TRABD2B: variants seen among roughly 807,000 people sequenced by gnomAD.
TRABD2B encodes TraB domain containing 2B, also known as metalloprotease TIKI2.
Under a neutral mutation model 40.1 loss-of-function variants are expected in TRABD2B, and 14 were observed. The observed-to-expected ratio is 0.35, with a 90% confidence interval of 0.23 to 0.55. The LOEUF (loss-of-function observed/expected upper bound fraction) is 0.55, where lower values mean the gene tolerates loss of function less well. Among genes scored for constraint, TRABD2B ranks in the 20% least tolerant of loss-of-function variants. The probability of loss-of-function intolerance (pLI) is 0.90; values close to 1 mark genes in which losing one functional copy is unlikely to be tolerated. For missense variants in TRABD2B, 541 were observed against 648.6 expected (o/e 0.83, Z 1.80); for synonymous variants, 263 against 277.0 (o/e 0.95, Z 0.50).
chr1:47,861,285 G>A (rs1436248426), intron 2 of TRABD2B, among the ~76,000 whole-genome samples: 1 of 152,178 alleles, frequency 6.6e-6, no homozygotes, highest in South Asian at 2.1e-4. Flanking sequence ...GGTGGTGGTG[G>A]GGGTGGCGGG....
chr1:47,989,503 A>T (rs867170551), intron 2 of TRABD2B, among the ~76,000 whole-genome samples: 4 of 152,114 alleles, frequency 2.6e-5, no homozygotes, highest in African/African-American at 9.7e-5. Context: ...AACCAAGGAG[A>T]TCTTTATTCA....
At chr1:47,886,064 G>A (rs1017253343) in intron 2 of TRABD2B, among the ~76,000 whole-genome samples, 4 of 152,180 alleles carry the variant, frequency 2.6e-5, no homozygotes, top group African/African-American at 9.7e-5. Context: ...AAACTGCGAA[G>A]TTCACTGAGA....
intron 2 of TRABD2B, among the ~76,000 whole-genome samples, chr1:47,874,532 A>C (rs1428425004): frequency 8.8e-5 from 13 of 147,772 alleles, no homozygotes; most frequent in Non-Finnish European, 1.8e-4. Flanking sequence ...TCGGCCTCCC[A>C]AAGTGCTGGG....
chr1:47,967,562 T>C (rs1339943514), intron 2 of TRABD2B, among the ~76,000 whole-genome samples: 1 of 152,218 alleles, frequency 6.6e-6, no homozygotes, highest in Non-Finnish European at 1.5e-5. Flanking sequence ...TCTGGCTTTC[T>C]AGCTCACAAA....
At chr1:47,905,187 T>G (rs955559864) in intron 2 of TRABD2B, among the ~76,000 whole-genome samples, 1 of 152,192 alleles carries the variant, frequency 6.6e-6, no homozygotes, top group African/African-American at 2.4e-5. Flanking sequence ...AGGTAACACA[T>G]GTATAAGCAT....
intron 4 of TRABD2B, among the ~76,000 whole-genome samples, chr1:47,792,199 G>C (rs954760439): frequency 2.0e-5 from 3 of 152,222 alleles, no homozygotes; most frequent in African/African-American, 7.2e-5. Context: ...TGACTTTACT[G>C]CTGGCCTATC....
intron 2 of TRABD2B, among the ~76,000 whole-genome samples, chr1:47,961,193 C>T (rs1645509161): frequency 6.6e-6 from 1 of 152,172 alleles, no homozygotes; most frequent in Non-Finnish European, 1.5e-5. Context: ...CTTCCTTACA[C>T]CTTATACAAA....
chr1:47,801,456 T>C lies in TRABD2B; in HGVS notation c.813+17A>G. On this transcript the variant is annotated intron_variant, in intron 3 of 6. Coordinates refer to ENST00000606738, the MANE Select transcript of TRABD2B (RefSeq NM_001194986.2). ...TAATAAATGCCAGGTATCCAGGTCT[T>C]TGGAGAGGAGCCTCACCTGGGATGT... 1.3e-6 allele frequency: 2 copies of C among 1,535,124 alleles called. No homozygotes were observed. The highest frequency in any genetic ancestry group is 1.7e-6 in the Non-Finnish European group (2 of 1,146,156).
At chr1:47,954,385 A>G (rs1645388708) in intron 2 of TRABD2B, among the ~76,000 whole-genome samples, 1 of 152,190 alleles carries the variant, frequency 6.6e-6, no homozygotes, top group African/African-American at 2.4e-5. Flanking sequence ...TCACTACAGT[A>G]TCAAGTACTA....
intron 2 of TRABD2B, among the ~76,000 whole-genome samples, chr1:47,886,095 C>A (rs72898112): frequency 6.6e-6 from 1 of 152,122 alleles, no homozygotes; most frequent in Non-Finnish European, 1.5e-5. Context: ...TTCCTTCATG[C>A]CAAGGATTCA....
At chr1:47,920,612 C>T (rs1030377635) in intron 2 of TRABD2B, among the ~76,000 whole-genome samples, 1 of 152,230 alleles carries the variant, frequency 6.6e-6, no homozygotes, top group Admixed American at 6.5e-5. Flanking sequence ...GAGCTGGAAG[C>T]AGCCAAGATG....
At chr1:47,924,145 T>C (rs949510568) in intron 2 of TRABD2B, among the ~76,000 whole-genome samples, 4 of 152,128 alleles carry the variant, frequency 2.6e-5, no homozygotes, top group African/African-American at 9.7e-5. Context: ...ACGGAATACG[T>C]GGGTGGCCTC....
chr1:47,765,885 A>G lies in TRABD2B; in HGVS notation c.*17T>C. 1.4e-6 allele frequency: 1 copy of G among 702,878 alleles called. No homozygotes were observed. Among genetic ancestry groups the G allele is most frequent in the Middle Eastern group, 2.3e-4 (1 of 4,370 alleles). The allele number at this position is 702,878 out of a possible 1,614,324, so 43.5% of individuals were successfully genotyped here. On this transcript the variant is annotated 3_prime_UTR_variant, in exon 7 of 7. Coordinates refer to ENST00000606738, the MANE Select transcript of TRABD2B (RefSeq NM_001194986.2). Reference sequence around the variant, plus strand: ...CCTGTGTCATTTCTCTGGCTTCTCCACTTGGGGTGGCCGAGGTCAGGAGGG... The same window carrying G: ...CCTGTGTCATTTCTCTGGCTTCTCCGCTTGGGGTGGCCGAGGTCAGGAGGG...
intron 4 of TRABD2B, among the ~76,000 whole-genome samples, chr1:47,785,680 T>A (rs923947973): frequency 1.3e-5 from 2 of 152,204 alleles, no homozygotes; most frequent in Non-Finnish European, 2.9e-5. Context: ...GCAATGGCCA[T>A]GCAGGCTGAT....
intron 6 of TRABD2B, among the ~76,000 whole-genome samples, chr1:47,769,219 T>G (rs905028636): frequency 3.3e-5 from 5 of 151,818 alleles, no homozygotes; most frequent in Non-Finnish European, 7.4e-5. Flanking sequence ...ACACAAGAAG[T>G]CCATAAAAAC....
At chr1:47,904,977 C>T (rs1160431961) in intron 2 of TRABD2B, among the ~76,000 whole-genome samples, 3 of 152,144 alleles carry the variant, frequency 2.0e-5, no homozygotes, top group African/African-American at 7.2e-5. Context: ...CTACAGAAAC[C>T]AGCTGACATG....
At position 47,765,647 on chromosome 1, in the gene TRABD2B, G is replaced by T. The variant is rs2124405442; in HGVS notation, c.*255C>A. The T allele has an allele frequency of 1.7e-6, 1 of 574,862 alleles. No homozygotes were observed. Among genetic ancestry groups the T allele is most frequent in the African/African-American group, 1.9e-5 (1 of 53,448 alleles). 35.6% of individuals were successfully genotyped at this position (574,862 alleles called of 1,614,324 possible). On this transcript the variant is annotated 3_prime_UTR_variant, in exon 7 of 7. Transcript: ENST00000606738. Reference sequence around the variant, plus strand: ...CCACATAAGAATAGTTTTATCGGTAGAATAAATACATTTTTCTTTTTTAAT... The same window carrying T: ...CCACATAAGAATAGTTTTATCGGTATAATAAATACATTTTTCTTTTTTAAT...
At chr1:47,812,310 G>T (rs1427946051) in intron 2 of TRABD2B, among the ~76,000 whole-genome samples, 1 of 152,194 alleles carries the variant, frequency 6.6e-6, no homozygotes, top group African/African-American at 2.4e-5. Flanking sequence ...ATTATAATGT[G>T]GTAAGTTAAT....
chr1:47,987,002 G>T (rs539021197), intron 2 of TRABD2B, among the ~76,000 whole-genome samples: 1 of 152,166 alleles, frequency 6.6e-6, no homozygotes, highest in Non-Finnish European at 1.5e-5. Context: ...TCAGCAGCCC[G>T]GCTGGCAGGC....
Sources: gnomAD v4.1 joint callset for allele counts (sites outside exome capture counted in the v4.1 genomes callset) on GRCh38, gnomAD v4.1.1 for gene constraint, MANE v1.5 for transcripts, NCBI Gene and HGNC (gene_info 2026-07-23, HGNC 2026-07-21) for gene names.